Variants in GPT2 observed in about 807,000 individuals in gnomAD.
GPT2 encodes the protein alanine aminotransferase 2.
Under a neutral mutation model 56.9 loss-of-function variants are expected in GPT2, and 30 were observed. The ratio of observed to expected loss-of-function variants is 0.53; its 90% CI spans 0.39 to 0.72. GPT2 has a LOEUF of 0.72. GPT2 is among the 30% of genes least tolerant of loss of function. GPT2 has a pLI of 0.00. For synonymous variants in GPT2, 271 were observed against 283.1 expected (o/e 0.96, Z 0.43); for missense variants, 542 against 703.4 (o/e 0.77, Z 2.60).
chr16:46,897,211 C>T (rs1041426218), intron 2 of GPT2, among the ~76,000 whole-genome samples: 1 of 152,132 alleles, frequency 6.6e-6, no homozygotes, highest in Admixed American at 6.5e-5. Context: ...CCTGTCTCTA[C>T]TAAATACAAA....
chr16:46,919,733 G>A (rs543152882), intron 8 of GPT2, among the ~76,000 whole-genome samples: 1 of 152,344 alleles, frequency 6.6e-6, no homozygotes, highest in East Asian at 1.9e-4. Context: ...CTTAGCTGGT[G>A]TGTTGCTCCT....
intron 2 of GPT2, among the ~76,000 whole-genome samples, chr16:46,892,808 A>T (rs1960610020): frequency 6.6e-6 from 1 of 152,114 alleles, no homozygotes; most frequent in South Asian, 2.1e-4. Flanking sequence ...TTATTTGCAT[A>T]TATTTGATAT....
In GPT2 at chr16:46,922,352, C is replaced by T. The variant is rs769136239; in HGVS notation, c.1148C>T (p.Ala383Val). The part of the protein sequence containing the change: ...VRLCPPVSGQ[A>V]AMDIVVNPPV... ...CTGTGCCCCCCAGTGTCTGGGCAGG[C>T]CGCCATGGACATTGTCGTGAACCCC... is the stretch of plus-strand genomic sequence containing the variant. Residue 383 changes from alanine to valine, a missense_variant, in exon 9 of 12, where the codon GCC becomes GTC. Physicochemically the swap from Ala to Val is moderately conservative, Grantham distance 64. Transcript: ENST00000340124. The T allele has an allele frequency of 1.9e-6, 3 of 1,613,896 alleles. No homozygotes were observed. The highest frequency in any genetic ancestry group is 2.5e-6 in the Non-Finnish European group (3 of 1,180,010).
chr16:46,918,479 G>T, intron 7 of GPT2, 142 bp from the exon 8 acceptor site: 1 of 896,232 alleles, frequency 1.1e-6, no homozygotes, highest in Non-Finnish European at 1.7e-6. Context: ...AGGCACACTT[G>T]GCTCATCCCT....
intron 8 of GPT2, among the ~76,000 whole-genome samples, chr16:46,919,194 C>A (rs1961231913): frequency 6.6e-6 from 1 of 152,216 alleles, no homozygotes. Flanking sequence ...TGTGTCTGTT[C>A]ATTCAGCTAA....
intron 9 of GPT2, among the ~76,000 whole-genome samples, chr16:46,922,806 G>A (rs1475474204): frequency 2.0e-5 from 3 of 152,198 alleles, no homozygotes; most frequent in Admixed American, 6.5e-5. Flanking sequence ...TGTCCTCACA[G>A]CTTGACAGGG....
intron 10 of GPT2, among the ~76,000 whole-genome samples, chr16:46,926,347 G>T (rs1005048891): frequency 2.0e-5 from 3 of 152,074 alleles, no homozygotes; most frequent in Non-Finnish European, 4.4e-5. Context: ...TACTCAGGAG[G>T]CTGAGGCAGG....
In GPT2 at chr16:46,898,442, C is replaced by T. The variant is rs974781534; in HGVS notation, c.333+705C>T. ...GATTATGGGATTGGTGGGCTGGAGG[C>T]GGTGGGGTGGGAGATGCCCCAGGGC... On this transcript the variant is annotated intron_variant, in intron 3 of 11. Transcript: ENST00000340124. 5.3e-5 allele frequency among the ~76,000 whole-genome samples: 8 copies of T among 152,074 alleles called. 1 individual carries two copies. Among genetic ancestry groups the T allele is most frequent in the Non-Finnish European group, 1.0e-4 (7 of 68,006 alleles).
At chr16:46,919,079 A>G (rs959641952) in intron 8 of GPT2, among the ~76,000 whole-genome samples, 2 of 152,248 alleles carry the variant, frequency 1.3e-5, no homozygotes, top group Non-Finnish European at 2.9e-5. Context: ...GGGAGGGCAG[A>G]TAGAGCAGAC....
intron 5 of GPT2, among the ~76,000 whole-genome samples, chr16:46,909,474 C>T (rs1960999765): frequency 6.6e-6 from 1 of 152,000 alleles, no homozygotes; most frequent in Admixed American, 6.6e-5. Context: ...ATTAACTACA[C>T]GTTCTGCACT....
Position 46,904,107 on chromosome 16 carries a change from G to T in GPT2, c.443-2735G>T, listed in dbSNP as rs569141437. Among the ~76,000 whole-genome samples, 3 of 152,340 alleles carry T rather than the reference G, an allele frequency of 2.0e-5. No individual in the cohort carries two copies. The South Asian group carries it at 6.2e-4, about 32-fold the overall frequency. On this transcript the variant is annotated intron_variant, in intron 4 of 11. Coordinates refer to ENST00000340124, the MANE Select transcript of GPT2 (RefSeq NM_133443.4). ...CGATGAGGTGGGAGTTTGGCAGTGG[G>T]TCCTCAGCAGGGTGTAGTGGAGCAC...
chr16:46,914,011 A>G (rs1334153366), intron 6 of GPT2, among the ~76,000 whole-genome samples: 1 of 152,278 alleles, frequency 6.6e-6, no homozygotes, highest in Non-Finnish European at 1.5e-5. Context: ...ACAGGCATAT[A>G]GTAAACAAAC....
At chr16:46,923,903 G>C in intron 9 of GPT2, 1 of 285,842 alleles carries the variant, frequency 3.5e-6, no homozygotes, top group South Asian at 3.6e-5. Context: ...AGACTGACAG[G>C]CAACAACTGG....
Position 46,926,917 on chromosome 16 carries a change from T to C in GPT2, c.1369-8T>C. On this transcript the variant is annotated splice_region_variant and splice_polypyrimidine_tract_variant and intron_variant, in intron 10 of 11. Coordinates refer to ENST00000340124, the MANE Select transcript of GPT2 (RefSeq NM_133443.4). Reference sequence around the variant, plus strand: ...AGGAATGATCATGAGCTCTGTCTGCTCCCATAGGCCCATCAAATGGCTCCA... The same window carrying C: ...AGGAATGATCATGAGCTCTGTCTGCCCCCATAGGCCCATCAAATGGCTCCA... 6.5e-7 allele frequency: 1 copy of C among 1,530,336 alleles called. No individual in the cohort carries two copies. The highest frequency in any genetic ancestry group is 8.8e-7 in the Non-Finnish European group (1 of 1,138,064). 94.8% of individuals were successfully genotyped at this position (1,530,336 alleles called of 1,614,324 possible). A position where few individuals can be genotyped will look rare whatever the true frequency, so the allele number is the denominator to read the frequency against.
intron 2 of GPT2, chr16:46,885,163 C>T (rs1960459744): frequency 7.7e-7 from 1 of 1,303,500 alleles, no homozygotes; most frequent in Non-Finnish European, 9.7e-7. Context: ...CCTTGCAATA[C>T]GGTTCACTTG....
At chr16:46,885,319 T>C in intron 2 of GPT2, 1 of 948,886 alleles carries the variant, frequency 1.1e-6, no homozygotes, top group Non-Finnish European at 1.3e-6. Flanking sequence ...CAGTGATAAG[T>C]TCTTGGAAAA....
intron 2 of GPT2, among the ~76,000 whole-genome samples, chr16:46,895,486 T>C (rs1038858130): frequency 6.6e-6 from 1 of 151,760 alleles, no homozygotes; most frequent in African/African-American, 2.4e-5. Flanking sequence ...GATCACACCA[T>C]TGCACTCCAG....
intron 6 of GPT2, chr16:46,916,337 C>A (rs1388282848): frequency 8.7e-6 from 2 of 229,116 alleles, no homozygotes; most frequent in Non-Finnish European, 1.8e-5. Flanking sequence ...CAGAGCGAGA[C>A]TCCGTCTCAA....
chr16:46,906,782 T>C, intron 4 of GPT2, 60 bp from the exon 5 acceptor site: 1 of 1,601,802 alleles, frequency 6.2e-7, no homozygotes, highest in Non-Finnish European at 8.5e-7. Context: ...ATGTTAATTA[T>C]ATTGACCCTG....
Sources: gnomAD v4.1 joint callset for allele counts (sites outside exome capture counted in the v4.1 genomes callset) on GRCh38, gnomAD v4.1.1 for gene constraint, MANE v1.5 for transcripts, NCBI Gene and HGNC (gene_info 2026-07-23, HGNC 2026-07-21) for gene names.